Variants in UTS2 observed in about 807,000 individuals in gnomAD.
The protein encoded by UTS2 is urotensin 2.
A neutral mutation model predicts 12.6 loss-of-function variants in UTS2; 10 were observed. The ratio of observed to expected loss-of-function variants is 0.80; its 90% CI spans 0.49 to 1.35. UTS2 has a LOEUF of 1.35. UTS2 is among the 40% of genes most tolerant of loss of function. The pLI is 0.00. For synonymous variants in UTS2, 52 were observed against 50.0 expected (o/e 1.04, Z -0.17); for missense variants, 142 against 143.2 (o/e 0.99, Z 0.04).
chr1:7,881,538 T>C, the UTS2 span, among the ~76,000 whole-genome samples: 1 of 152,038 alleles, frequency 6.6e-6, no homozygotes, highest in East Asian at 1.9e-4. Flanking sequence ...ACAAGAGCTA[T>C]AAAATAAATA....
chr1:7,882,166 C>T, the UTS2 span, among the ~76,000 whole-genome samples: 1,988 of 130,986 alleles, frequency 0.015, 42 homozygotes, highest in African/African-American at 0.049. Context: ...GAGACGCCAT[C>T]TCTACAAACA....
chr1:7,863,244 T>C, the UTS2 span, among the ~76,000 whole-genome samples: 13 of 152,000 alleles, frequency 8.6e-5, no homozygotes, highest in Admixed American at 2.6e-4. Flanking sequence ...CCCGAGTAGC[T>C]GGGATTACAG....
At chr1:7,853,418 A>C, upstream of UTS2, 1 of 1,613,688 alleles carries the variant, frequency 6.2e-7, no homozygotes, top group African/African-American at 1.3e-5. Flanking sequence ...AAGATGAAAT[A>C]CGTTGGTTTC....
At chr1:7,877,937 C>T in the UTS2 span, among the ~76,000 whole-genome samples, 8 of 152,026 alleles carry the variant, frequency 5.3e-5, no homozygotes, top group African/African-American at 1.2e-4. Context: ...ATCCAGATAC[C>T]GGAAGCTCAA....
chr1:7,879,700 C>T, the UTS2 span, among the ~76,000 whole-genome samples: 1 of 152,076 alleles, frequency 6.6e-6, no homozygotes, highest in Non-Finnish European at 1.5e-5. Flanking sequence ...AAGATTGTGC[C>T]ACTGCACTCC....
the UTS2 span, among the ~76,000 whole-genome samples, chr1:7,886,475 A>G: frequency 1.3e-5 from 2 of 152,148 alleles, no homozygotes; most frequent in Non-Finnish European, 2.9e-5. Flanking sequence ...ATGTAGACCA[A>G]TCAGTCTCCG....
upstream of UTS2, chr1:7,853,478 A>G: frequency 6.3e-7 from 1 of 1,580,870 alleles, no homozygotes; most frequent in East Asian, 2.2e-5. Context: ...TGCTGTGTTT[A>G]GGGCTGCCAT....
the UTS2 span, among the ~76,000 whole-genome samples, chr1:7,912,047 C>G: frequency 3.3e-5 from 5 of 152,158 alleles, no homozygotes; most frequent in Non-Finnish European, 7.3e-5. Context: ...TGGTCAAATA[C>G]CATCTTATCT....
the UTS2 span, among the ~76,000 whole-genome samples, chr1:7,891,584 G>GAAAC: frequency 6.6e-6 from 1 of 150,758 alleles, no homozygotes; most frequent in Admixed American, 6.6e-5. Flanking sequence ...AAGAAAGAAA[G>GAAAC]AAAGAAAGAA....
At chr1:7,878,939 A>T in the UTS2 span, among the ~76,000 whole-genome samples, 2 of 152,356 alleles carry the variant, frequency 1.3e-5, no homozygotes, top group Admixed American at 6.5e-5. Flanking sequence ...ATAATGATAA[A>T]GGGATCAATT....
At chr1:7,862,389 G>A in the UTS2 span, among the ~76,000 whole-genome samples, 8 of 151,746 alleles carry the variant, frequency 5.3e-5, no homozygotes, top group East Asian at 2.0e-4. Context: ...GGATACCTGC[G>A]AATACCTGAG....
At chr1:7,899,498 GTTC>G in the UTS2 span, among the ~76,000 whole-genome samples, 4 of 152,026 alleles carry the variant, frequency 2.6e-5, no homozygotes, top group Non-Finnish European at 5.9e-5. Flanking sequence ...AGTTAAGGAA[GTTC>G]TTATCTAGTC....
the UTS2 span, among the ~76,000 whole-genome samples, chr1:7,889,733 A>C: frequency 6.6e-6 from 1 of 151,984 alleles, no homozygotes; most frequent in Non-Finnish European, 1.5e-5. Flanking sequence ...AGACAGGAGA[A>C]TCACTTGAAC....
At chr1:7,881,356 C>T in the UTS2 span, among the ~76,000 whole-genome samples, 5 of 152,132 alleles carry the variant, frequency 3.3e-5, no homozygotes, top group Admixed American at 1.3e-4. Flanking sequence ...AATTGTCCCT[C>T]TTTGCAGATA....
At chr1:7,873,553 T>G in the UTS2 span, among the ~76,000 whole-genome samples, 2 of 152,156 alleles carry the variant, frequency 1.3e-5, no homozygotes, top group Non-Finnish European at 2.9e-5. Context: ...ACTGCAGATG[T>G]GGTGGAAATA....
chr1:7,884,200 G>A, the UTS2 span, among the ~76,000 whole-genome samples: 1 of 151,942 alleles, frequency 6.6e-6, no homozygotes, highest in Non-Finnish European at 1.5e-5. Context: ...TTATCACCGG[G>A]AACACAATAT....
At position 7,847,928 on chromosome 1, in the gene UTS2, G is replaced by C. The variant is rs564839696; in HGVS notation, c.259-46C>G. The C allele has an allele frequency of 3.0e-6, 4 of 1,349,576 alleles. No homozygotes were observed. The South Asian group carries it at 5.0e-5, about 17-fold the overall frequency. The allele number at this position is 1,349,576 out of a possible 1,614,324, so 83.6% of individuals were successfully genotyped here. On this transcript the variant is annotated intron_variant, in intron 3 of 3. Coordinates refer to ENST00000361696, the MANE Select transcript of UTS2 (RefSeq NM_006786.4). ...AACAACAACAAAAAAAAACAGATAAGTTACCAACGAGTGACGATTCCTATA... is the reference window on the plus strand; with the variant it reads ...AACAACAACAAAAAAAAACAGATAACTTACCAACGAGTGACGATTCCTATA...
chr1:7,875,594 G>A, the UTS2 span, among the ~76,000 whole-genome samples: 4 of 152,062 alleles, frequency 2.6e-5, no homozygotes, highest in Non-Finnish European at 1.5e-5. Context: ...GGGTCCTGAA[G>A]ACAGGCTCAC....
At chr1:7,904,520 T>C in the UTS2 span, among the ~76,000 whole-genome samples, 1 of 151,910 alleles carries the variant, frequency 6.6e-6, no homozygotes, top group Admixed American at 6.6e-5. Flanking sequence ...TGTAGTCAAT[T>C]TGTTTTTACT....
Sources: allele counts gnomAD v4.1 joint callset (sites outside exome capture counted in the v4.1 genomes callset), GRCh38; gene constraint gnomAD v4.1.1; transcripts MANE v1.5; gene names NCBI Gene and HGNC (gene_info 2026-07-23, HGNC 2026-07-21).